Variants in GLYR1 observed in about 807,000 individuals in gnomAD.
GLYR1 encodes the protein glyoxylate reductase 1 homolog.
In GLYR1, 21 loss-of-function variants were observed where a neutral mutation model predicts 72.7. The observed-to-expected ratio is 0.29, with a 90% CI of 0.20 to 0.42. GLYR1 has a LOEUF of 0.42. Among genes scored for constraint, GLYR1 ranks in the 10% least tolerant of loss-of-function variants. The probability of loss-of-function intolerance (pLI) is 1.00; values close to 1 mark genes in which losing one functional copy is unlikely to be tolerated. For missense variants in GLYR1, 594 were observed against 712.1 expected (o/e 0.83, Z 1.89); for synonymous variants, 392 against 270.2 (o/e 1.45, Z -4.42).
intron 15 of GLYR1, among the ~76,000 whole-genome samples, chr16:4,806,111 C>T (rs1288760786): frequency 6.6e-6 from 1 of 152,204 alleles, no homozygotes; most frequent in Non-Finnish European, 1.5e-5. Context: ...TGCTTCTGCC[C>T]CCAGGGGACA....
intron 11 of GLYR1, chr16:4,814,075 AAAAAC>A (rs1567674105): frequency 1.0e-5 from 4 of 394,886 alleles, no homozygotes; most frequent in African/African-American, 6.2e-5. Flanking sequence ...AAAAAAAAAA[AAAAAC>A]AAACCCCATT....
chr16:4,842,012 C>T (rs139005078), intron 3 of GLYR1, among the ~76,000 whole-genome samples: 73 of 152,172 alleles, frequency 4.8e-4, no homozygotes, highest in African/African-American at 1.6e-3. Flanking sequence ...GAGGCCGAGG[C>T]GGGCAGATCA....
At chr16:4,843,776 T>A (rs1456673779) in intron 3 of GLYR1, 5 of 459,734 alleles carry the variant, frequency 1.1e-5, no homozygotes, top group Non-Finnish European at 1.6e-5. Context: ...CCTATAAGAA[T>A]AATAAATAGA....
chr16:4,813,651 G>C (rs2083453530), intron 12 of GLYR1, 86 bp downstream of exon 12: 1 of 1,175,944 alleles, frequency 8.5e-7, no homozygotes, highest in East Asian at 2.5e-5. Context: ...TGGCTCTAGA[G>C]TAACTTAACT....
chr16:4,838,796 C>T (rs1228059561), intron 3 of GLYR1, among the ~76,000 whole-genome samples: 1 of 152,066 alleles, frequency 6.6e-6, no homozygotes, highest in African/African-American at 2.4e-5. Context: ...ACCATGTTAG[C>T]CAGCATGGTC....
At chr16:4,842,915 T>C (rs2142050821) in intron 3 of GLYR1, among the ~76,000 whole-genome samples, 1 of 147,636 alleles carries the variant, frequency 6.8e-6, no homozygotes, top group South Asian at 2.2e-4. Context: ...GGCCAGGCTG[T>C]TCTCAAATTC....
chr16:4,809,314 T>C (rs1225204916), intron 15 of GLYR1, among the ~76,000 whole-genome samples: 1 of 150,240 alleles, frequency 6.7e-6, no homozygotes, highest in African/African-American at 2.4e-5. Context: ...CTCAGCCTCC[T>C]GAGTAGCTGA....
chr16:4,807,181 G>A (rs773694061), intron 15 of GLYR1, among the ~76,000 whole-genome samples: 13 of 146,652 alleles, frequency 8.9e-5, no homozygotes, highest in African/African-American at 2.8e-4. Flanking sequence ...GCACGATCTC[G>A]GCTCACTGCA....
In GLYR1 at chr16:4,811,312, G is replaced by GT; in HGVS notation, c.1463-19dup. ...CAGGATATCTGAGGAGAAAAAGCCA[G>GT]TATCAGACAAAAGCCAAGGACCTGA... On this transcript the variant is annotated intron_variant, in intron 14 of 15. Coordinates refer to ENST00000321919, the MANE Select transcript of GLYR1 (RefSeq NM_032569.4). The GT allele has an allele frequency of 6.2e-7, 1 of 1,612,828 alleles. No homozygotes were observed. Among genetic ancestry groups the GT allele is most frequent in the Non-Finnish European group, 8.5e-7 (1 of 1,179,684 alleles).
At chr16:4,817,763 G>T in intron 9 of GLYR1, 66 bp from the exon 10 acceptor site, 1 of 977,086 alleles carries the variant, frequency 1.0e-6, no homozygotes, top group Non-Finnish European at 1.7e-6. Context: ...ATGATTCCAT[G>T]CAGCACAAGG....
At chr16:4,836,584 G>A (rs1235979873) in intron 3 of GLYR1, among the ~76,000 whole-genome samples, 1 of 152,154 alleles carries the variant, frequency 6.6e-6, no homozygotes, top group African/African-American at 2.4e-5. Context: ...GAAAGCGGAT[G>A]TCTCGTAAGA....
chr16:4,832,733 C>G lies in GLYR1; in HGVS notation c.294+41G>C, dbSNP rs370560196. ...TCTGTTAGTTGCTATGCAAAAATCA[C>G]CAGTCTGGCATTGGTAGAAAGTGAA... is the stretch of plus-strand genomic sequence containing the variant. On this transcript the variant is annotated intron_variant, in intron 4 of 15. Transcript: ENST00000321919. 3 of 1,563,276 alleles carry G rather than the reference C, an allele frequency of 1.9e-6. No homozygotes were observed. In the African/African-American group the frequency reaches 4.1e-5, roughly 21 times the overall value.
intron 15 of GLYR1, among the ~76,000 whole-genome samples, chr16:4,806,634 C>G (rs1418096145): frequency 6.6e-6 from 1 of 151,834 alleles, no homozygotes. Flanking sequence ...GACCCTGCCT[C>G]GACCTCCCAA....
intron 15 of GLYR1, among the ~76,000 whole-genome samples, chr16:4,810,355 G>A (rs1219602460): frequency 1.3e-5 from 2 of 151,186 alleles, no homozygotes; most frequent in African/African-American, 4.9e-5. Context: ...AAATTAGCAG[G>A]GCGGGTTGGG....
At position 4,805,211 on chromosome 16, in the gene GLYR1, G is replaced by T. The variant is rs781087981; in HGVS notation, c.*25C>A. Reference sequence around the variant, plus strand: ...AGAGGGGGTCAGAGGGGGGATTGGAGGGGTGAGGGCGGGGTGTCGACAGCT... The same window carrying T: ...AGAGGGGGTCAGAGGGGGGATTGGATGGGTGAGGGCGGGGTGTCGACAGCT... On this transcript the variant is annotated 3_prime_UTR_variant, in exon 16 of 16. Transcript: ENST00000321919. The T allele has an allele frequency of 6.2e-7, 1 of 1,607,816 alleles. No individual in the cohort carries two copies. The highest frequency in any genetic ancestry group is 8.5e-7 in the Non-Finnish European group (1 of 1,174,844).
chr16:4,812,278 C>A (rs1191885029), intron 12 of GLYR1, 30 bp from the exon 13 acceptor site: 25 of 1,600,014 alleles, frequency 1.6e-5, no homozygotes, highest in East Asian at 2.2e-5. Flanking sequence ...CTTCTGGAGG[C>A]CTCCCCTCTC....
rs888550780 is a variant in GLYR1, at chr16:4,804,160, G to A, written c.*1076C>T. 3.3e-5 allele frequency: 5 copies of A among 152,362 alleles called. No homozygotes were observed. Among genetic ancestry groups the A allele is most frequent in the African/African-American group, 1.2e-4 (5 of 41,434 alleles). The allele number at this position is 152,362 out of a possible 1,614,324, so 9.4% of individuals were successfully genotyped here. A position where few individuals can be genotyped will look rare whatever the true frequency, so the allele number is the denominator to read the frequency against. On this transcript the variant is annotated 3_prime_UTR_variant, in exon 16 of 16. Transcript: ENST00000321919. Reference sequence around the variant, plus strand: ...TGGTCAGGCTGGGTCTGGGCCAAAGGGACAGACAGAAAGAAATACTGTCTC... The same window carrying A: ...TGGTCAGGCTGGGTCTGGGCCAAAGAGACAGACAGAAAGAAATACTGTCTC...
At chr16:4,821,517 T>A in intron 8 of GLYR1, 30 bp downstream of exon 8, 1 of 1,613,954 alleles carries the variant, frequency 6.2e-7, no homozygotes, top group Non-Finnish European at 8.5e-7. Flanking sequence ...CAGGTGAAAA[T>A]TAAAATGGGG....
chr16:4,832,268 C>T (rs371818051), intron 4 of GLYR1, 47 bp from the exon 5 acceptor site: 46 of 1,602,208 alleles, frequency 2.9e-5, no homozygotes, highest in African/African-American at 1.5e-4. Context: ...CAGCTGCTGC[C>T]GCCATCGCCA....
Sources: gnomAD v4.1 joint callset for allele counts (sites outside exome capture counted in the v4.1 genomes callset) on GRCh38, gnomAD v4.1.1 for gene constraint, MANE v1.5 for transcripts, NCBI Gene and HGNC (gene_info 2026-07-23, HGNC 2026-07-21) for gene names.